Variants in ADGRE3 observed in about 807,000 individuals in gnomAD.
The protein encoded by ADGRE3 is EGF-like module receptor 3.
ADGRE3 carries 88 observed loss-of-function variants against 80.1 expected under a neutral mutation model. The ratio of observed to expected loss-of-function variants is 1.10; its 90% confidence interval spans 0.93 to 1.31. The LOEUF is 1.31. Among genes scored for constraint, ADGRE3 ranks in the 40% most tolerant of loss-of-function variants. The pLI is 0.00. For synonymous variants in ADGRE3, 281 were observed against 294.8 expected, an observed-to-expected ratio of 0.95 and a Z score of 0.48; for missense variants, 715 against 776.5, an observed-to-expected ratio of 0.92 and a Z score of 0.94.
chr19:14,639,579 ATTTTTTTTG>A (rs1216196489), intron 10 of ADGRE3, among the ~76,000 whole-genome samples: 5 of 151,342 alleles, frequency 3.3e-5, no homozygotes, highest in African/African-American at 1.2e-4. Flanking sequence ...TAATTTTGTT[ATTTTTTTTG>A]TTTTTTTTGT....
chr19:14,642,495 G>A (rs886461086), intron 9 of ADGRE3, among the ~76,000 whole-genome samples: 9 of 152,126 alleles, frequency 5.9e-5, no homozygotes, highest in Non-Finnish European at 7.3e-5. Context: ...AACCCCTGTC[G>A]CGGGGGTCTC....
At position 14,647,330 on chromosome 19, in the gene ADGRE3, GAGA is replaced by G; in HGVS notation, c.730_732del (p.Ser244del). ...AAAGTTGCATTTATGATGTTTCCAAGAGAAGAATATGAGATAAAGGCAATGGCA... is the reference window on the plus strand; with the variant it reads ...AAAGTTGCATTTATGATGTTTCCAAGAGAATATGAGATAAAGGCAATGGCA... On this transcript the variant is annotated inframe_deletion, in exon 8 of 16. Transcript: ENST00000253673. 6.2e-7 allele frequency: 1 copy of G among 1,611,612 alleles called. No homozygotes were observed. The highest frequency in any genetic ancestry group is 8.5e-7 in the Non-Finnish European group (1 of 1,178,000).
At chr19:14,659,513 G>A (rs1253129641) in intron 4 of ADGRE3, among the ~76,000 whole-genome samples, 1 of 152,084 alleles carries the variant, frequency 6.6e-6, no homozygotes, top group African/African-American at 2.4e-5. Context: ...GTTGGTTTCT[G>A]TGCTTAGTGA....
chr19:14,607,542 TTTATTTTA>T, the ADGRE3 span, among the ~76,000 whole-genome samples: 83 of 145,188 alleles, frequency 5.7e-4, 1 homozygote, highest in African/African-American at 2.0e-3. Context: ...CTTGTTTTAT[TTTATTTTA>T]TTATTTATTT....
At chr19:14,616,195 G>A (rs945898471), downstream of ADGRE3, among the ~76,000 whole-genome samples, 1 of 151,986 alleles carries the variant, frequency 6.6e-6, no homozygotes, top group Non-Finnish European at 1.5e-5. Context: ...TGATCTCCAC[G>A]TGAACTCCTC....
the ADGRE3 span, among the ~76,000 whole-genome samples, chr19:14,601,577 G>C: frequency 6.6e-6 from 1 of 152,030 alleles, no homozygotes; most frequent in East Asian, 1.9e-4. Flanking sequence ...TCAAGTCCAT[G>C]GTCTTGACCA....
At chr19:14,604,158 CG>C in the ADGRE3 span, among the ~76,000 whole-genome samples, 2 of 152,070 alleles carry the variant, frequency 1.3e-5, no homozygotes, top group Non-Finnish European at 2.9e-5. Flanking sequence ...AAGACCTTTC[CG>C]CTCTCTGATT....
At chr19:14,661,130 T>G (rs1385580302) in intron 4 of ADGRE3, among the ~76,000 whole-genome samples, 1 of 151,906 alleles carries the variant, frequency 6.6e-6, no homozygotes, top group Non-Finnish European at 1.5e-5. Context: ...TTAGTAGAAA[T>G]GGGGTTTCGC....
chr19:14,608,711 G>A, the ADGRE3 span, among the ~76,000 whole-genome samples: 4 of 143,050 alleles, frequency 2.8e-5, no homozygotes, highest in African/African-American at 1.1e-4. Flanking sequence ...TTGACCCAAT[G>A]CAACCTCTGC....
the ADGRE3 span, among the ~76,000 whole-genome samples, chr19:14,601,693 G>A: frequency 3.3e-5 from 5 of 152,144 alleles, no homozygotes; most frequent in South Asian, 2.1e-4. Flanking sequence ...ATCATAGCTC[G>A]TTGCAGCCTC....
At chr19:14,638,084 C>T in intron 11 of ADGRE3, 21 bp downstream of exon 11, 1 of 1,573,860 alleles carries the variant, frequency 6.4e-7, no homozygotes, top group Non-Finnish European at 8.7e-7. Context: ...GTCCATGACA[C>T]AAGGTGGGAT....
chr19:14,617,995 A>C (rs2075092239), downstream of ADGRE3, among the ~76,000 whole-genome samples: 1 of 152,118 alleles, frequency 6.6e-6, no homozygotes, highest in Non-Finnish European at 1.5e-5. Context: ...TTGGGCATGC[A>C]CTTGAATCTT....
At chr19:14,636,149 T>TCTTTCTTTCTTCCTTC (rs774422809) in intron 11 of ADGRE3, among the ~76,000 whole-genome samples, 4 of 40,606 alleles carry the variant, frequency 9.9e-5, no homozygotes, top group Non-Finnish European at 1.6e-4. Flanking sequence ...TTTCTTTCTT[T>TCTTTCTTTCTTCCTTC]CTTCCTTTCC....
chr19:14,623,770 G>A (rs1240296423), intron 15 of ADGRE3, among the ~76,000 whole-genome samples: 2 of 152,158 alleles, frequency 1.3e-5, no homozygotes, highest in Middle Eastern at 3.2e-3. Context: ...CCCAGTGAGA[G>A]TCTGTGTTAG....
chr19:14,638,166 G>A lies in ADGRE3; in HGVS notation c.1423C>T (p.Pro475Ser), dbSNP rs1178432493. Residue 475 changes from proline (P) to serine (S), a missense_variant, in exon 11 of 16, where the codon CCC (proline) becomes TCC (serine). Coordinates refer to ENST00000253673, the MANE Select transcript of ADGRE3 (RefSeq NM_032571.5). ...GCAGAAATGGCCACAGTCACAGCGG[G>A]AACGCCATAGCCGACTGGGAACATG... ...WIMFPVGYGV[P>S]AVTVAISAAS... 4 of 1,614,112 alleles carry A rather than the reference G, an allele frequency of 2.5e-6. No individual in the cohort carries two copies. Among genetic ancestry groups the A allele is most frequent in the South Asian group, 1.1e-5 (1 of 91,076 alleles).
At position 14,638,309 on chromosome 19, in the gene ADGRE3, T is replaced by C. The variant is rs1437688612; in HGVS notation, c.1280A>G (p.His427Arg). ...VLCSIIAGALHYLYLAAFTWM... is the reference protein window; with the variant it reads ...VLCSIIAGALRYLYLAAFTWM... ...GGTGAAGGCGGCCAGGTAGAGATAG[T>C]GCAAAGCACCGGCGATGATGGAGCA... Residue 427 changes from histidine to arginine, a missense_variant, in exon 11 of 16, where the codon CAC becomes CGC. Physicochemically the swap from His to Arg is conservative, Grantham distance 29 (BLOSUM62 0). Transcript: ENST00000253673. The C allele has an allele frequency of 1.9e-6, 3 of 1,613,974 alleles. No individual in the cohort carries two copies. Among genetic ancestry groups the C allele is most frequent in the African/African-American group, 1.3e-5 (1 of 75,004 alleles).
At chr19:14,608,842 C>A in the ADGRE3 span, among the ~76,000 whole-genome samples, 17 of 150,870 alleles carry the variant, frequency 1.1e-4, no homozygotes, top group South Asian at 6.3e-4. Context: ...CTCTGTGGCC[C>A]GAGCTGTAGT....
intron 7 of ADGRE3, among the ~76,000 whole-genome samples, chr19:14,649,534 TCATCTCTTTCTCCC>T (rs1971526805): frequency 6.9e-6 from 1 of 144,470 alleles, no homozygotes; most frequent in African/African-American, 2.6e-5. Context: ...ATCCCTCTTT[TCATCTCTTTCTCCC>T]CATCTCTCTC....
intron 10 of ADGRE3, 82 bp from the exon 11 acceptor site, chr19:14,638,422 G>T (rs974518585): frequency 4.7e-5 from 47 of 1,000,486 alleles, no homozygotes; most frequent in African/African-American, 6.4e-5. Flanking sequence ...TTGGCTTTGG[G>T]TTCAGAGCAC....
Sources: gnomAD v4.1 joint callset for allele counts (sites outside exome capture counted in the v4.1 genomes callset) on GRCh38, gnomAD v4.1.1 for gene constraint, MANE v1.5 for transcripts, NCBI Gene and HGNC (gene_info 2026-07-23, HGNC 2026-07-21) for gene names.